The following MRAS variants were observed in gnomAD, a reference collection of about 807,000 sequenced individuals.
MRAS encodes the protein muscle RAS oncogene homolog, also known as ras-related protein M-Ras.
MRAS carries 4 observed loss-of-function variants against 20.9 expected under a neutral mutation model. The observed-to-expected ratio is 0.19, with a 90% CI of 0.09 to 0.44. MRAS has a LOEUF of 0.44. Among genes scored for constraint, MRAS ranks in the 20% least tolerant of loss-of-function variants. The probability of loss-of-function intolerance (pLI) is 0.99; values close to 1 mark genes in which losing one functional copy is unlikely to be tolerated. For missense variants in MRAS, 154 were observed against 277.5 expected, an observed-to-expected ratio of 0.56 and a Z score of 3.16; for synonymous variants, 98 against 102.9, an observed-to-expected ratio of 0.95 and a Z score of 0.29.
intron 2 of MRAS, among the ~76,000 whole-genome samples, chr3:138,388,315 C>A (rs1243382690): frequency 1.3e-5 from 2 of 152,188 alleles, no homozygotes; most frequent in African/African-American, 4.8e-5. Flanking sequence ...TGAATCTATT[C>A]TTAAGCTTCC....
In MRAS at chr3:138,376,016, T is replaced by C. The variant is rs141400463; in HGVS notation, c.193+2940T>C. Reference sequence around the variant, plus strand: ...AAAACAAAACAAAACAAAAAAACTTTGTAAATATGTTTTAAAAGCACTGAA... The same window carrying C: ...AAAACAAAACAAAACAAAAAAACTTCGTAAATATGTTTTAAAAGCACTGAA... On this transcript the variant is annotated intron_variant, in intron 2 of 5. Transcript: ENST00000423968. 3.9e-3 allele frequency among the ~76,000 whole-genome samples: 591 copies of C among 152,262 alleles called. 4 individuals carry two copies. The highest frequency in any genetic ancestry group is 0.014 in the Middle Eastern group (4 of 294).
At chr3:138,377,638 G>C (rs566050563) in intron 2 of MRAS, among the ~76,000 whole-genome samples, 1 of 152,284 alleles carries the variant, frequency 6.6e-6, no homozygotes, top group African/African-American at 2.4e-5. Flanking sequence ...CTGGATCCCA[G>C]GGGTCCTGCT....
intron 3 of MRAS, 57 bp downstream of exon 3, chr3:138,397,534 G>GCA (rs2055266016): frequency 6.3e-7 from 1 of 1,591,470 alleles, no homozygotes; most frequent in Admixed American, 1.7e-5. Context: ...GCCTCCTAGG[G>GCA]CGCTCTCTCT....
chr3:138,365,236 C>T (rs968327889), intron 1 of MRAS, among the ~76,000 whole-genome samples: 3 of 152,172 alleles, frequency 2.0e-5, no homozygotes, highest in Non-Finnish European at 4.4e-5. Flanking sequence ...TTAAATGTTC[C>T]TATTGCTTTT....
At chr3:138,383,155 C>G (rs2054939853) in intron 2 of MRAS, among the ~76,000 whole-genome samples, 1 of 152,204 alleles carries the variant, frequency 6.6e-6, no homozygotes, top group Non-Finnish European at 1.5e-5. Flanking sequence ...AGGAAAAGGA[C>G]TGTGCCCACC....
At chr3:138,358,865 C>T (rs1313369834) in intron 1 of MRAS, among the ~76,000 whole-genome samples, 1 of 152,126 alleles carries the variant, frequency 6.6e-6, no homozygotes, top group Non-Finnish European at 1.5e-5. Context: ...AGCATGTGGT[C>T]AGGGCTTAAT....
chr3:138,397,088 A>G (rs1216488583), intron 2 of MRAS, among the ~76,000 whole-genome samples: 2 of 152,104 alleles, frequency 1.3e-5, no homozygotes, highest in Non-Finnish European at 2.9e-5. Flanking sequence ...CTGGAGGAGA[A>G]GGGTTTGGTG....
intron 1 of MRAS, among the ~76,000 whole-genome samples, chr3:138,357,637 G>A (rs943671119): frequency 6.6e-6 from 1 of 152,224 alleles, no homozygotes; most frequent in Non-Finnish European, 1.5e-5. Flanking sequence ...CCCATCTGCA[G>A]TATTTCTGAA....
chr3:138,348,097 C>T (rs768467426), upstream of MRAS: 2 of 152,240 alleles, frequency 1.3e-5, no homozygotes, highest in Non-Finnish European at 2.9e-5. Flanking sequence ...CGGGGAGAGA[C>T]GCTGGGGCAT....
chr3:138,354,829 G>A (rs2054297505), intron 1 of MRAS, among the ~76,000 whole-genome samples: 1 of 152,186 alleles, frequency 6.6e-6, no homozygotes, highest in Non-Finnish European at 1.5e-5. Flanking sequence ...TGCTTAGGTT[G>A]GAGTGTGGTG....
chr3:138,387,166 A>G (rs369436421), intron 2 of MRAS, among the ~76,000 whole-genome samples: 49 of 152,298 alleles, frequency 3.2e-4, no homozygotes, highest in East Asian at 1.2e-3. Flanking sequence ...ATGATGGAGA[A>G]GGATGGTGGG....
At chr3:138,398,327 A>G (rs772771570) in intron 3 of MRAS, 142 bp from the exon 4 acceptor site, 5 of 684,008 alleles carry the variant, frequency 7.3e-6, no homozygotes, top group African/African-American at 1.8e-5. Context: ...TCTGGAAAGG[A>G]AGAGGGAAGG....
intron 2 of MRAS, among the ~76,000 whole-genome samples, chr3:138,379,660 A>T (rs542476224): frequency 1.3e-5 from 2 of 152,230 alleles, no homozygotes; most frequent in African/African-American, 2.4e-5. Flanking sequence ...GCCCAGCCTC[A>T]TTCTTTGTTA....
chr3:138,371,738 C>A (rs975033912), intron 1 of MRAS, among the ~76,000 whole-genome samples: 7 of 152,156 alleles, frequency 4.6e-5, no homozygotes, highest in African/African-American at 1.4e-4. Flanking sequence ...AGGTTCCTGG[C>A]TACAACCTCC....
At chr3:138,359,823 G>A (rs1444613219) in intron 1 of MRAS, among the ~76,000 whole-genome samples, 1 of 152,210 alleles carries the variant, frequency 6.6e-6, no homozygotes, top group African/African-American at 2.4e-5. Context: ...GCCTTAGAAC[G>A]GCCGTGCCAC....
intron 1 of MRAS, chr3:138,350,516 G>A (rs565197329): frequency 6.6e-6 from 1 of 152,198 alleles, no homozygotes; most frequent in East Asian, 1.9e-4. Context: ...ATGTGACCTC[G>A]GCATTTCCTA....
chr3:138,402,652 T>C lies in MRAS; in HGVS notation c.*383T>C. 5.5e-6 allele frequency: 1 copy of C among 180,898 alleles called. No homozygotes were observed. The highest frequency in any genetic ancestry group is 6.1e-5 in the Admixed American group (1 of 16,384). 11.2% of individuals were successfully genotyped at this position (180,898 alleles called of 1,614,324 possible). ...ACAAAACAAGCCATGAACAAGCTTC[T>C]TTCCCTTACCCCCCATCCACAATGT... On this transcript the variant is annotated 3_prime_UTR_variant, in exon 6 of 6. Transcript: ENST00000423968.
intron 4 of MRAS, among the ~76,000 whole-genome samples, chr3:138,399,434 T>C (rs910488934): frequency 6.6e-6 from 1 of 152,200 alleles, no homozygotes; most frequent in African/African-American, 2.4e-5. Context: ...ACAACAGAAG[T>C]GTGCACATCC....
intron 1 of MRAS, among the ~76,000 whole-genome samples, chr3:138,362,072 C>T (rs2054459829): frequency 6.6e-6 from 1 of 152,128 alleles, no homozygotes; most frequent in South Asian, 2.1e-4. Flanking sequence ...GCAGGGGGCA[C>T]TGTGAGGGGC....
Sources: allele counts gnomAD v4.1 joint callset (sites outside exome capture counted in the v4.1 genomes callset), GRCh38; gene constraint gnomAD v4.1.1; transcripts MANE v1.5; gene names NCBI Gene and HGNC (gene_info 2026-07-23, HGNC 2026-07-21).